HCN2: variants seen among roughly 807,000 people sequenced by gnomAD.
HCN2 encodes potassium/sodium hyperpolarization-activated cyclic nucleotide-gated channel 2.
Under a neutral mutation model 52.3 loss-of-function variants are expected in HCN2, and 20 were observed. That is an observed-to-expected ratio of 0.38 (90% CI 0.27 to 0.56). The LOEUF (loss-of-function observed/expected upper bound fraction) is 0.56. Among genes scored for constraint, HCN2 ranks in the 20% least tolerant of loss-of-function variants. The pLI, the probability that HCN2 is intolerant of heterozygous loss-of-function variation, is 0.71. For synonymous variants in HCN2, 694 were observed against 537.0 expected (o/e 1.29, Z -4.04); for missense variants, 981 against 1,207.7 (o/e 0.81, Z 2.78).
At chr19:600,687 G>T (rs1600522264) in intron 1 of HCN2, among the ~76,000 whole-genome samples, 1 of 152,072 alleles carries the variant, frequency 6.6e-6, no homozygotes, top group Non-Finnish European at 1.5e-5. Flanking sequence ...CACCATATTG[G>T]CCAGGCTGGT....
chr19:602,087 G>A (rs927393085), intron 1 of HCN2, among the ~76,000 whole-genome samples: 28 of 134,746 alleles, frequency 2.1e-4, no homozygotes, highest in Admixed American at 3.6e-4. Context: ...CTGTGTGGAC[G>A]CCCCACTTCC....
rs536124169 is a variant in HCN2 at position 595,138 on chromosome 19, G to GCTGCAGTGAGCTATGATCGTGCCA, written c.632+4567_632+4590dup. On this transcript the variant is annotated intron_variant, in intron 1 of 7. Transcript: ENST00000251287. ...GATCACCTGAGCCCAGGAGGTTGAG[G>GCTGCAGTGAGCTATGATCGTGCCA]CTGCAGTGAGCTATGATCGTGCCAC... Among the ~76,000 whole-genome samples the GCTGCAGTGAGCTATGATCGTGCCA allele has an allele frequency of 4.0e-3, 611 of 151,264 alleles. 3 individuals are homozygous for GCTGCAGTGAGCTATGATCGTGCCA. Among genetic ancestry groups the GCTGCAGTGAGCTATGATCGTGCCA allele is most frequent in the African/African-American group, 0.015 (594 of 40,672 alleles).
intron 5 of HCN2, among the ~76,000 whole-genome samples, chr19:611,453 G>C (rs1439826825): frequency 3.3e-5 from 5 of 152,304 alleles, no homozygotes; most frequent in Middle Eastern, 6.8e-3. Flanking sequence ...CCGAGGAGGG[G>C]CTGGAGGAGC....
intron 3 of HCN2, among the ~76,000 whole-genome samples, chr19:606,153 G>A (rs1376907216): frequency 6.6e-6 from 1 of 152,084 alleles, no homozygotes; most frequent in African/African-American, 2.4e-5. Flanking sequence ...AGGCTGGAGT[G>A]CAGTGGCACG....
chr19:610,339 C>T lies in HCN2; in HGVS notation c.1518C>T (p.His506=), dbSNP rs1258737268. Residue 506 remains histidine, a synonymous_variant, in exon 5 of 8, where the codon CAC becomes CAT. Coordinates refer to ENST00000251287, the MANE Select transcript of HCN2 (RefSeq NM_001194.4). ...AGAAGATCCACGACTACTATGAGCA[C>T]CGTTACCAGGGCAAGATGTTTGACG... The part of the protein sequence containing the change: ...FRQKIHDYYE[H]RYQGKMFDED... 9.3e-6 allele frequency: 15 copies of T among 1,613,716 alleles called. No individual in the cohort carries two copies. Among genetic ancestry groups the T allele is most frequent in the African/African-American group, 1.3e-5 (1 of 74,930 alleles).
intron 5 of HCN2, among the ~76,000 whole-genome samples, chr19:612,427 T>TGTGTGTGTGAGTGAGA: frequency 4.2e-5 from 6 of 142,256 alleles, no homozygotes; most frequent in Non-Finnish European, 9.2e-5. Context: ...TGTGTGTGTG[T>TGTGTGTGTGAGTGAGA]GAGAGAGAGA....
At chr19:599,908 C>A (rs2144511162) in intron 1 of HCN2, among the ~76,000 whole-genome samples, 1 of 145,226 alleles carries the variant, frequency 6.9e-6, no homozygotes, top group East Asian at 2.0e-4. Flanking sequence ...CAGAGGGTCT[C>A]ATGTTACCCA....
chr19:612,500 C>T (rs1331042346), intron 5 of HCN2, among the ~76,000 whole-genome samples: 1 of 151,762 alleles, frequency 6.6e-6, no homozygotes, highest in Admixed American at 6.6e-5. Context: ...ACTGTAACCT[C>T]CTCCTCCCGG....
chr19:613,810 G>C, intron 6 of HCN2, 42 bp from the exon 7 acceptor site: 1 of 1,458,406 alleles, frequency 6.9e-7, no homozygotes, highest in Non-Finnish European at 9.0e-7. Flanking sequence ...GGGCCGCGGC[G>C]CCCGCCTCGT....
At chr19:600,799 G>C (rs1983178983) in intron 1 of HCN2, among the ~76,000 whole-genome samples, 2 of 152,230 alleles carry the variant, frequency 1.3e-5, no homozygotes, top group East Asian at 1.9e-4. Flanking sequence ...TCTTTTATCA[G>C]TTTTCCAATT....
Position 613,895 on chromosome 19 carries a change from G to T in HCN2, c.1869G>T (p.Arg623=). Residue 623 remains arginine, a synonymous_variant, in exon 7 of 8, where the codon CGG becomes CGT. Coordinates refer to ENST00000251287, the MANE Select transcript of HCN2 (RefSeq NM_001194.4). ...GGGGCCGCCGCACGGCGAGCGTGCG[G>T]GCTGACACCTACTGCCGCCTCTATT... is the stretch of plus-strand genomic sequence containing the variant. The part of the protein sequence containing the change: ...LTRGRRTASV[R]ADTYCRLYSL... 1.2e-6 allele frequency: 2 copies of T among 1,601,152 alleles called. No individual in the cohort carries two copies. Among genetic ancestry groups the T allele is most frequent in the Non-Finnish European group, 1.7e-6 (2 of 1,173,850 alleles).
At chr19:600,769 C>G (rs111636190) in intron 1 of HCN2, among the ~76,000 whole-genome samples, 16,766 of 152,290 alleles carry the variant, frequency 0.11, 1,247 homozygotes, top group South Asian at 0.37. Context: ...GCGTGAGCCA[C>G]CGCACCCAGC....
In HCN2 at chr19:590,601, C is replaced by G. The variant is rs1188380267; in HGVS notation, c.632+24C>G. The G allele has an allele frequency of 7.3e-7, 1 of 1,377,054 alleles. No homozygotes were observed. The allele number at this position is 1,377,054 out of a possible 1,614,324, so 85.3% of individuals were successfully genotyped here. A position where few individuals can be genotyped will look rare whatever the true frequency, so the allele number is the denominator to read the frequency against. On this transcript the variant is annotated intron_variant, in intron 1 of 7. Coordinates refer to ENST00000251287, the MANE Select transcript of HCN2 (RefSeq NM_001194.4). The surrounding 1 kb of genome is among the most constrained non-coding windows in gnomAD (Gnocchi z 7.2). ...AGGTACCGCCTCCGGGAGGGCCGGT[C>G]GGCGCGAGGGGGCCCGGGGAGCCGG...
chr19:614,097 A>AC, intron 7 of HCN2, 81 bp downstream of exon 7: 1 of 667,000 alleles, frequency 1.5e-6, no homozygotes, highest in Non-Finnish European at 2.0e-6. Flanking sequence ...AGTGGCTTGG[A>AC]CAGTGGCAGG....
At position 590,038 on chromosome 19, in the gene HCN2, CCAA is replaced by C; in HGVS notation, c.96_98del (p.Gln34del). On this transcript the variant is annotated inframe_deletion, in exon 1 of 8. Transcript: ENST00000251287. The surrounding 1 kb of genome is among the most constrained non-coding windows in gnomAD (Gnocchi z 7.2). ...CGCCGCCGCCGCCGCCCGCGCCCCC[CCAA>C]CAGCAGCCGCCGCCGCCGCCGCCGC... The C allele has an allele frequency of 1.6e-6, 1 of 620,918 alleles. No individual in the cohort carries two copies. The highest frequency in any genetic ancestry group is 2.0e-6 in the Non-Finnish European group (1 of 506,796). 38.5% of individuals were successfully genotyped at this position (620,918 alleles called of 1,614,324 possible).
Position 590,133 on chromosome 19 carries a change from C to T in HCN2, c.188C>T (p.Pro63Leu). Reference protein sequence around the residue: ...QHPPRAEALPPEAADEGGPRG... With the variant: ...QHPPRAEALPLEAADEGGPRG... ...CCGCCCCGGGCCGAGGCGTTGCCCC[C>T]GGAGGCGGCGGATGAGGGCGGCCCG... is the stretch of plus-strand genomic sequence containing the variant. Residue 63 changes from proline (P) to leucine (L), a missense_variant, in exon 1 of 8, where the codon CCG becomes CTG. This residue lies in a region of HCN2 where 215 missense variants were observed against 179.4 expected (regional missense o/e 1.20). Transcript: ENST00000251287. This position sits in a 1 kb window ranked among gnomAD's most constrained non-coding sequence, Gnocchi z 7.2. The T allele has an allele frequency of 3.2e-6, 3 of 943,580 alleles. No homozygotes were observed. Among genetic ancestry groups the T allele is most frequent in the Non-Finnish European group, 3.8e-6 (3 of 796,148 alleles). The allele number at this position is 943,580 out of a possible 1,614,324, so 58.5% of individuals were successfully genotyped here.
chr19:607,001 C>T (rs536196937), intron 3 of HCN2, among the ~76,000 whole-genome samples: 104 of 151,542 alleles, frequency 6.9e-4, no homozygotes, highest in African/African-American at 2.4e-3. Flanking sequence ...GGAGAAACCC[C>T]GTCTCTACTA....
rs1983993637 is a variant in HCN2, at chr19:617,032, G to A, written c.*558G>A. 1.9e-6 allele frequency: 1 copy of A among 534,322 alleles called. No homozygotes were observed. The highest frequency in any genetic ancestry group is 3.4e-6 in the Non-Finnish European group (1 of 293,662). 33.1% of individuals were successfully genotyped at this position (534,322 alleles called of 1,614,324 possible). On this transcript the variant is annotated 3_prime_UTR_variant, in exon 8 of 8. Coordinates refer to ENST00000251287, the MANE Select transcript of HCN2 (RefSeq NM_001194.4). ...CTGGCTGCGCAGGGCGCGGGGGGGAGGCTGGGGTCCCGCCGCCGTGATGAA... is the reference window on the plus strand; with the variant it reads ...CTGGCTGCGCAGGGCGCGGGGGGGAAGCTGGGGTCCCGCCGCCGTGATGAA...
At position 615,506 on chromosome 19, in the gene HCN2, T is replaced by A. The variant is rs557402586; in HGVS notation, c.1991-289T>A. 4.5e-4 allele frequency among the ~76,000 whole-genome samples: 68 copies of A among 152,088 alleles called. 1 individual carries two copies. The highest frequency in any genetic ancestry group is 8.8e-4 in the Non-Finnish European group (60 of 67,996). On this transcript the variant is annotated intron_variant, in intron 7 of 7. Coordinates refer to ENST00000251287, the MANE Select transcript of HCN2 (RefSeq NM_001194.4). ...TCCAGCCCGGGCGACAGAGCAAGAC[T>A]CCGTCTCAGAAACAAAGCAAAACAA...
Sources: gnomAD v4.1 joint callset for allele counts (sites outside exome capture counted in the v4.1 genomes callset) on GRCh38, gnomAD v4.1.1 for gene constraint, gnomAD v4.1.1 regional missense constraint, Gnocchi (gnomAD v3.1) non-coding constraint, MANE v1.5 for transcripts, NCBI Gene and HGNC (gene_info 2026-07-23, HGNC 2026-07-21) for gene names.